Variants in PTPN14 observed in about 807,000 individuals in gnomAD.
PTPN14 encodes tyrosine-protein phosphatase non-receptor type 14.
Under a neutral mutation model 126.8 loss-of-function variants are expected in PTPN14, and 53 were observed. That is an observed-to-expected ratio of 0.42 (90% CI 0.34 to 0.53). PTPN14 has a LOEUF of 0.53. Ranked by LOEUF, PTPN14 falls within the 20% of genes least tolerant of loss-of-function variation. The pLI is 0.08. For synonymous variants in PTPN14, 630 were observed against 599.3 expected (o/e 1.05, Z -0.75); for missense variants, 1,257 against 1,552.9 (o/e 0.81, Z 3.20).
chr1:214,427,996 C>T (rs573764574), intron 3 of PTPN14, among the ~76,000 whole-genome samples: 10 of 152,136 alleles, frequency 6.6e-5, no homozygotes, highest in Non-Finnish European at 1.5e-4. Flanking sequence ...CAAAAGGCCT[C>T]GCAGGGCACG....
intron 1 of PTPN14, among the ~76,000 whole-genome samples, chr1:214,490,057 C>A (rs1045842227): frequency 6.6e-6 from 1 of 152,186 alleles, no homozygotes; most frequent in East Asian, 1.9e-4. Context: ...TTATAATAAA[C>A]CACTTTGCCC....
intron 1 of PTPN14, among the ~76,000 whole-genome samples, chr1:214,487,508 C>A (rs1051051314): frequency 6.6e-6 from 1 of 152,082 alleles, no homozygotes; most frequent in Non-Finnish European, 1.5e-5. Context: ...TGCCTGTAAT[C>A]CCAGTTGCTC....
At chr1:214,368,737 A>G (rs2102516459) in intron 17 of PTPN14, among the ~76,000 whole-genome samples, 1 of 152,120 alleles carries the variant, frequency 6.6e-6, no homozygotes, top group South Asian at 2.1e-4. Flanking sequence ...AATCCCTGCA[A>G]TTTGGGAGGC....
intron 1 of PTPN14, among the ~76,000 whole-genome samples, chr1:214,519,898 T>C (rs989704090): frequency 6.6e-6 from 1 of 151,510 alleles, no homozygotes; most frequent in African/African-American, 2.4e-5. Flanking sequence ...AAATAAAAAA[T>C]TAGCTGGGCA....
At chr1:214,402,076 T>C (rs1448181527) in intron 6 of PTPN14, among the ~76,000 whole-genome samples, 1 of 151,940 alleles carries the variant, frequency 6.6e-6, no homozygotes, top group Non-Finnish European at 1.5e-5. Flanking sequence ...AAAAAGAAGT[T>C]ATTTTTCTCC....
At chr1:214,438,005 G>A (rs577049633) in intron 3 of PTPN14, among the ~76,000 whole-genome samples, 13 of 152,328 alleles carry the variant, frequency 8.5e-5, no homozygotes, top group Middle Eastern at 6.8e-3. Context: ...ACTGATGCAC[G>A]TAGTGTGAAG....
rs148637985 is a variant in PTPN14, at chr1:214,349,492, A to G, written c.*8430T>C. 9 of 152,364 alleles carry G rather than the reference A, an allele frequency of 5.9e-5. No individual in the cohort carries two copies. In the East Asian group the frequency reaches 1.7e-3, roughly 29 times the overall value. 9.4% of individuals were successfully genotyped at this position (152,364 alleles called of 1,614,324 possible). Reference sequence around the variant, plus strand: ...CAAAATTCACAACATTTTGTGAAACAAAGATCAAGGAAAGCATCAAAATAC... The same window carrying G: ...CAAAATTCACAACATTTTGTGAAACGAAGATCAAGGAAAGCATCAAAATAC... On this transcript the variant is annotated 3_prime_UTR_variant, in exon 19 of 19. Transcript: ENST00000366956.
chr1:214,428,239 C>G (rs1354850874), intron 3 of PTPN14, among the ~76,000 whole-genome samples: 3 of 152,160 alleles, frequency 2.0e-5, no homozygotes, highest in Admixed American at 6.5e-5. Context: ...ATTCTGAAGG[C>G]TGGATGTGGT....
chr1:214,497,848 G>C (rs1247146283), intron 1 of PTPN14, among the ~76,000 whole-genome samples: 1 of 151,762 alleles, frequency 6.6e-6, no homozygotes, highest in East Asian at 1.9e-4. Flanking sequence ...TATTCTTAGG[G>C]GGAAAAAAAA....
chr1:214,544,604 G>T lies in PTPN14; in HGVS notation c.-155+6579C>A, dbSNP rs2102487247. Reference sequence around the variant, plus strand: ...ATCTCTACTAAAAATTTAAAAATTAGCCAGGTGTGGTGGCTGTATGCCTGT... The same window carrying T: ...ATCTCTACTAAAAATTTAAAAATTATCCAGGTGTGGTGGCTGTATGCCTGT... On this transcript the variant is annotated intron_variant, in intron 1 of 18. Transcript: ENST00000366956. Among the ~76,000 whole-genome samples, 2 of 152,094 alleles carry T rather than the reference G, an allele frequency of 1.3e-5. 1 individual carries two copies.
chr1:214,445,508 T>C (rs1382806565), intron 3 of PTPN14, among the ~76,000 whole-genome samples: 1 of 149,928 alleles, frequency 6.7e-6, no homozygotes, highest in East Asian at 2.0e-4. Context: ...TGTGCAACCA[T>C]AACATTCAAC....
chr1:214,364,554 GAGCACGCCGGTCCTTCCCACCCC>G lies in PTPN14; in HGVS notation c.3370_3392del (p.Gly1124HisfsTer4). ...AGTAGATCATCAGCTCAGAAAGAAT[GAGCACGCCGGTCCTTCCCACCCC>G]AGCACTACAGTGGACCACGATGGGC... On this transcript the variant is annotated frameshift_variant, in exon 18 of 19. Transcript: ENST00000366956. LOFTEE classifies it high-confidence loss of function. The surrounding 1 kb of genome is among the most constrained non-coding windows in gnomAD (Gnocchi z 4.1). The G allele has an allele frequency of 6.2e-7, 1 of 1,614,046 alleles. No individual in the cohort carries two copies. Among genetic ancestry groups the G allele is most frequent in the Non-Finnish European group, 8.5e-7 (1 of 1,180,028 alleles).
intron 1 of PTPN14, among the ~76,000 whole-genome samples, chr1:214,522,509 C>T (rs568256084): frequency 6.6e-6 from 1 of 152,160 alleles, no homozygotes; most frequent in Non-Finnish European, 1.5e-5. Context: ...CATCCAAGCC[C>T]GCAGAACGTA....
At chr1:214,533,697 C>T (rs1201357812) in intron 1 of PTPN14, among the ~76,000 whole-genome samples, 1 of 151,808 alleles carries the variant, frequency 6.6e-6, no homozygotes, top group Non-Finnish European at 1.5e-5. Context: ...ATTAGCCGGG[C>T]GTGGTGGCGG....
chr1:214,471,662 T>G (rs1341732667), intron 1 of PTPN14, among the ~76,000 whole-genome samples: 1 of 152,182 alleles, frequency 6.6e-6, no homozygotes. Flanking sequence ...GCATAGAGTT[T>G]AACATGAAGC....
chr1:214,372,169 A>G (rs968050517), intron 16 of PTPN14: 1 of 156,704 alleles, frequency 6.4e-6, no homozygotes, highest in African/African-American at 2.4e-5. Context: ...GTTACAGCAG[A>G]AAAACTATGT....
chr1:214,505,312 G>GA (rs1455199479), intron 1 of PTPN14, among the ~76,000 whole-genome samples: 5 of 152,112 alleles, frequency 3.3e-5, no homozygotes, highest in African/African-American at 1.2e-4. Context: ...AGGGAAGCAG[G>GA]AGAAACATCT....
In PTPN14 at chr1:214,357,065, G is replaced by C. The variant is rs953043979; in HGVS notation, c.*857C>G. 21 of 152,196 alleles carry C rather than the reference G, an allele frequency of 1.4e-4. No individual in the cohort carries two copies. The highest frequency in any genetic ancestry group is 1.4e-3 in the Admixed American group (21 of 15,266). The allele number at this position is 152,196 out of a possible 1,614,324, so 9.4% of individuals were successfully genotyped here. A position where few individuals can be genotyped will look rare whatever the true frequency, so the allele number is the denominator to read the frequency against. On this transcript the variant is annotated 3_prime_UTR_variant, in exon 19 of 19. Coordinates refer to ENST00000366956, the MANE Select transcript of PTPN14 (RefSeq NM_005401.5). ...GAGCCTTAACTGCACAGATGGTCTG[G>C]TCCAGAGCCTCAATGCCACCAGACA...
At chr1:214,527,924 T>C (rs138030041) in intron 1 of PTPN14, among the ~76,000 whole-genome samples, 206 of 152,306 alleles carry the variant, frequency 1.4e-3, no homozygotes, top group African/African-American at 4.4e-3. Context: ...ATATTGAAAA[T>C]AGTAACACTG....
Sources: allele counts gnomAD v4.1 joint callset (sites outside exome capture counted in the v4.1 genomes callset), GRCh38; gene constraint gnomAD v4.1.1; non-coding constraint Gnocchi (gnomAD v3.1); transcripts MANE v1.5; gene names NCBI Gene and HGNC (gene_info 2026-07-23, HGNC 2026-07-21).